ZNF605: variants seen among roughly 807,000 people sequenced by gnomAD.
The protein encoded by ZNF605 is zinc finger protein 605.
A neutral mutation model predicts 7.9 loss-of-function variants in ZNF605; 9 were observed. The observed-to-expected ratio is 1.14, with a 90% CI of 0.68 to 1.98. The LOEUF is 1.98. ZNF605 is among the 30% of genes most tolerant of loss of function. ZNF605 has a pLI of 0.00. For synonymous variants in ZNF605, 255 were observed against 260.1 expected (o/e 0.98, Z 0.19); for missense variants, 673 against 762.4 (o/e 0.88, Z 1.38).
chr12:132,938,505 T>C (rs1410569076), intron 3 of ZNF605, among the ~76,000 whole-genome samples: 7 of 152,002 alleles, frequency 4.6e-5, no homozygotes, highest in African/African-American at 1.7e-4. Context: ...TTCTACATGT[T>C]GGTCAGGCTG....
At position 132,923,845 on chromosome 12, in the gene ZNF605, T is replaced by C. The variant is rs2137121393; in HGVS notation, c.*1528A>G. Reference sequence around the variant, plus strand: ...AACATATATTACACTACTGTAATGGTTTTCCTATTCTCTTCCTCTTCTCTA... The same window carrying C: ...AACATATATTACACTACTGTAATGGCTTTCCTATTCTCTTCCTCTTCTCTA... On this transcript the variant is annotated 3_prime_UTR_variant, in exon 5 of 5. Coordinates refer to ENST00000360187, the MANE Select transcript of ZNF605 (RefSeq NM_183238.4). The C allele has an allele frequency of 6.6e-6, 1 of 152,314 alleles. No homozygotes were observed. Among genetic ancestry groups the C allele is most frequent in the Admixed American group, 6.5e-5 (1 of 15,304 alleles). The allele number at this position is 152,314 out of a possible 1,614,324, so 9.4% of individuals were successfully genotyped here. A position where few individuals can be genotyped will look rare whatever the true frequency, so the allele number is the denominator to read the frequency against.
Position 132,927,870 on chromosome 12 carries a change from T to C in ZNF605, c.137-708A>G, listed in dbSNP as rs1226290747. 2.6e-5 allele frequency among the ~76,000 whole-genome samples: 4 copies of C among 152,048 alleles called. No individual in the cohort carries two copies. In the South Asian group the frequency reaches 8.3e-4, roughly 32 times the overall value. Reference sequence around the variant, plus strand: ...TGGGGTTTCACCACGTTAGCCAGGATGGTCTTGATCTCCTGACCTCATGAT... The same window carrying C: ...TGGGGTTTCACCACGTTAGCCAGGACGGTCTTGATCTCCTGACCTCATGAT... On this transcript the variant is annotated intron_variant, in intron 4 of 4. Coordinates refer to ENST00000360187, the MANE Select transcript of ZNF605 (RefSeq NM_183238.4).
intron 4 of ZNF605, 94 bp from the exon 5 acceptor site, chr12:132,927,256 T>G: frequency 1.1e-6 from 1 of 914,392 alleles, no homozygotes; most frequent in Non-Finnish European, 1.5e-6. Context: ...AATCCCAGTT[T>G]TTAAAATTCC....
intron 1 of ZNF605, among the ~76,000 whole-genome samples, chr12:132,952,041 T>TA (rs1472708146): frequency 2.0e-5 from 3 of 152,062 alleles, no homozygotes; most frequent in Non-Finnish European, 2.9e-5. Flanking sequence ...GAATTCCTAT[T>TA]ACACACCAGG....
chr12:132,945,920 C>T, intron 2 of ZNF605, 123 bp from the exon 3 acceptor site: 1 of 592,186 alleles, frequency 1.7e-6, no homozygotes, highest in South Asian at 2.0e-5. Context: ...GGTAGGCTCA[C>T]ACCAGGGCTA....
chr12:132,941,092 C>T lies in ZNF605; in HGVS notation c.15+4529G>A, dbSNP rs1952435166. Among the ~76,000 whole-genome samples, 1 of 152,100 alleles carries T rather than the reference C, an allele frequency of 6.6e-6. No individual in the cohort carries two copies. Among genetic ancestry groups the T allele is most frequent in the African/African-American group, 2.4e-5 (1 of 41,424 alleles). ...ATACGGGTGCTCACCAAAAAGACTC[C>T]AGTGCTGACCCAGGAAACACAACCA... On this transcript the variant is annotated intron_variant, in intron 3 of 4. Coordinates refer to ENST00000360187, the MANE Select transcript of ZNF605 (RefSeq NM_183238.4). This position sits in a 1 kb window ranked among gnomAD's most constrained non-coding sequence, Gnocchi z 5.1.
At chr12:132,954,183 A>G (rs1225690565) in intron 1 of ZNF605, among the ~76,000 whole-genome samples, 1 of 150,546 alleles carries the variant, frequency 6.6e-6, no homozygotes, top group Admixed American at 6.7e-5. Flanking sequence ...TGATGACTGG[A>G]CCTCAGTGAC....
At chr12:132,950,883 C>A (rs944971268) in intron 1 of ZNF605, among the ~76,000 whole-genome samples, 7 of 151,532 alleles carry the variant, frequency 4.6e-5, no homozygotes, top group African/African-American at 1.7e-4. Flanking sequence ...AAATACATCA[C>A]ACATACTCAC....
intron 1 of ZNF605, among the ~76,000 whole-genome samples, chr12:132,955,173 C>A (rs1483439089): frequency 6.6e-6 from 1 of 152,076 alleles, no homozygotes; most frequent in Non-Finnish European, 1.5e-5. Flanking sequence ...CGTGAAGCCA[C>A]GAGACTCACG....
rs12099670 is a variant in ZNF605 at position 132,934,114 on chromosome 12, T to C, written c.16-959A>G. On this transcript the variant is annotated intron_variant, in intron 3 of 4. Transcript: ENST00000360187. ...TCTATTAAACACACACACACACACATGCACACACACACAAATTAGCTGGGG... is the reference window on the plus strand; with the variant it reads ...TCTATTAAACACACACACACACACACGCACACACACACAAATTAGCTGGGG... Among the ~76,000 whole-genome samples, 721 of 127,544 alleles carry C rather than the reference T, an allele frequency of 5.7e-3. 5 individuals carry two copies. Among genetic ancestry groups the C allele is most frequent in the African/African-American group, 0.019 (689 of 35,400 alleles). The allele number at this position is 127,544 out of a possible 152,430, so 83.7% of individuals were successfully genotyped here.
chr12:132,951,998 T>C (rs1235367800), intron 1 of ZNF605, among the ~76,000 whole-genome samples: 1 of 151,716 alleles, frequency 6.6e-6, no homozygotes, highest in Non-Finnish European at 1.5e-5. Flanking sequence ...ACACACACAG[T>C]CTCATTTACT....
intron 4 of ZNF605, 91 bp downstream of exon 4, chr12:132,932,944 T>C: frequency 2.0e-6 from 3 of 1,464,200 alleles, no homozygotes; most frequent in Non-Finnish European, 2.7e-6. Context: ...AGTCAAATAA[T>C]CTTTGACATG....
Position 132,933,032 on chromosome 12 carries a change from T to C in ZNF605, c.136+3A>G, listed in dbSNP as rs1952322883. ...ACACTAAGTTACATAAGAATGTTCT[T>C]ACCCAAGAAAACCAGATTGCTATAG... On this transcript the variant is annotated splice_donor_region_variant and intron_variant, in intron 4 of 4. Transcript: ENST00000360187. This position sits in a 1 kb window ranked among gnomAD's most constrained non-coding sequence, Gnocchi z 4.4. 6.3e-7 allele frequency: 1 copy of C among 1,584,424 alleles called. No homozygotes were observed.
chr12:132,946,562 G>A (rs1300452014), intron 2 of ZNF605, among the ~76,000 whole-genome samples: 2 of 152,248 alleles, frequency 1.3e-5, no homozygotes, highest in Admixed American at 1.3e-4. Flanking sequence ...TAACAGCCCA[G>A]CTGCCGGTTT....
At chr12:132,936,070 C>CAA (rs1172976393) in intron 3 of ZNF605, among the ~76,000 whole-genome samples, 1 of 142,490 alleles carries the variant, frequency 7.0e-6, no homozygotes, top group African/African-American at 2.6e-5. Context: ...CAAAAAAAAC[C>CAA]AAAAAAAAAC....
In ZNF605 at chr12:132,923,083, C is replaced by T. The variant is rs1368140171; in HGVS notation, c.*2290G>A. On this transcript the variant is annotated 3_prime_UTR_variant, in exon 5 of 5. Coordinates refer to ENST00000360187, the MANE Select transcript of ZNF605 (RefSeq NM_183238.4). ...CTACCCCGAGCCCTGAAGGAATAGG[C>T]TTCTAACTCAGATGATGCAGTCTAC... The T allele has an allele frequency of 3.9e-5, 6 of 152,200 alleles. No individual in the cohort carries two copies. The highest frequency in any genetic ancestry group is 7.3e-5 in the Non-Finnish European group (5 of 68,038). 9.4% of individuals were successfully genotyped at this position (152,200 alleles called of 1,614,324 possible).
At chr12:132,932,932 A>G in intron 4 of ZNF605, 103 bp downstream of exon 4, 2 of 1,431,660 alleles carry the variant, frequency 1.4e-6, no homozygotes, top group Non-Finnish European at 1.9e-6. Flanking sequence ...ATTCAGTATA[A>G]AAGTCAAATA....
chr12:132,950,527 ACG>A (rs1279522939), intron 1 of ZNF605, among the ~76,000 whole-genome samples: 37 of 151,728 alleles, frequency 2.4e-4, no homozygotes, highest in Middle Eastern at 6.8e-3. Context: ...ACACACACAG[ACG>A]CACACACACT....
In ZNF605 at chr12:132,919,078, T is replaced by G. The variant is rs1490874447; in HGVS notation, c.*6295A>C. 3 of 152,292 alleles carry G rather than the reference T, an allele frequency of 2.0e-5. No homozygotes were observed. The East Asian group carries it at 5.8e-4, about 29-fold the overall frequency. The allele number at this position is 152,292 out of a possible 1,614,324, so 9.4% of individuals were successfully genotyped here. On this transcript the variant is annotated 3_prime_UTR_variant, in exon 5 of 5. Coordinates refer to ENST00000360187, the MANE Select transcript of ZNF605 (RefSeq NM_183238.4). ...CGAATCTACACTAGACCTGCCTGGCTGCAGTGGTAACACTCCATTGCCTAA... is the reference window on the plus strand; with the variant it reads ...CGAATCTACACTAGACCTGCCTGGCGGCAGTGGTAACACTCCATTGCCTAA...
Sources: allele counts gnomAD v4.1 joint callset (sites outside exome capture counted in the v4.1 genomes callset), GRCh38; gene constraint gnomAD v4.1.1; non-coding constraint Gnocchi (gnomAD v3.1); transcripts MANE v1.5; gene names NCBI Gene and HGNC (gene_info 2026-07-23, HGNC 2026-07-21).